TNS1: variants seen among roughly 807,000 people sequenced by gnomAD.
TNS1 encodes the protein tensin 1, also known as tensin-1.
Under a neutral mutation model 168.6 loss-of-function variants are expected in TNS1, and 62 were observed. The ratio of observed to expected loss-of-function variants is 0.37; its 90% CI spans 0.30 to 0.45. The LOEUF (loss-of-function observed/expected upper bound fraction) is 0.45, where lower values mean the gene tolerates loss of function less well. Ranked by LOEUF, TNS1 falls within the 20% of genes least tolerant of loss-of-function variation. The pLI is 1.00. For synonymous variants in TNS1, 934 were observed against 933.2 expected (o/e 1.00, Z -0.02); for missense variants, 2,240 against 2,339.4 (o/e 0.96, Z 0.88).
chr2:217,920,119 C>T, intron 4 of TNS1, 76 bp downstream of exon 4: 1 of 702,728 alleles, frequency 1.4e-6, no homozygotes, highest in Non-Finnish European at 2.6e-6. Context: ...ATATTTGGGT[C>T]TAAAGAAAGC....
At chr2:217,843,298 C>A (rs1395410725) in intron 19 of TNS1, among the ~76,000 whole-genome samples, 1 of 152,112 alleles carries the variant, frequency 6.6e-6, no homozygotes, top group Admixed American at 6.5e-5. Flanking sequence ...CCCCTCTTAC[C>A]TCCTTAGAGA....
intron 18 of TNS1, among the ~76,000 whole-genome samples, chr2:217,862,274 GGA>G (rs1491529046): frequency 6.6e-6 from 1 of 151,174 alleles, no homozygotes; most frequent in East Asian, 1.9e-4. Flanking sequence ...TCTATTTGGG[GGA>G]AAAAAAAAGA....
chr2:218,027,407 T>G (rs1395906616), intron 1 of TNS1, among the ~76,000 whole-genome samples: 1 of 151,918 alleles, frequency 6.6e-6, no homozygotes, highest in Non-Finnish European at 1.5e-5. Flanking sequence ...ACCACTCCAC[T>G]CCCTGAAGGG....
At position 217,961,235 on chromosome 2, in the gene TNS1, T is replaced by A. The variant is rs544041547; in HGVS notation, c.186+17530A>T. Among the ~76,000 whole-genome samples, 126 of 144,942 alleles carry A rather than the reference T, an allele frequency of 8.7e-4. 1 individual carries two copies. The highest frequency in any genetic ancestry group is 3.4e-3 in the Middle Eastern group (1 of 292). On this transcript the variant is annotated intron_variant, in intron 3 of 32. Transcript: ENST00000682258. ...CTCAGGGTGTCTCTCTCTCTCTCTC[T>A]CACACACACACACACACACACACAC...
chr2:217,914,784 T>C (rs1954820681), intron 4 of TNS1, among the ~76,000 whole-genome samples: 1 of 152,218 alleles, frequency 6.6e-6, no homozygotes, highest in Admixed American at 6.5e-5. Flanking sequence ...GCATCCAGCC[T>C]AAATGCTGTT....
chr2:217,820,612 C>G (rs571892545), intron 23 of TNS1, among the ~76,000 whole-genome samples: 11 of 152,098 alleles, frequency 7.2e-5, no homozygotes, highest in Non-Finnish European at 1.6e-4. Context: ...GTGGGCACGG[C>G]GAAGAAGGGA....
At chr2:217,804,649 A>T in intron 32 of TNS1, 46 bp from the exon 33 acceptor site, 1 of 1,609,690 alleles carries the variant, frequency 6.2e-7, no homozygotes, top group Non-Finnish European at 8.5e-7. Flanking sequence ...GGCAAGTGGA[A>T]CCCCAGGAGG....
intron 21 of TNS1, among the ~76,000 whole-genome samples, chr2:217,833,350 A>C (rs919432479): frequency 6.6e-6 from 1 of 152,234 alleles, no homozygotes; most frequent in African/African-American, 2.4e-5. Context: ...GGCGACGCTA[A>C]AGCCAGGCAA....
At position 217,836,109 on chromosome 2, in the gene TNS1, G is replaced by A. The variant is rs762318273; in HGVS notation, c.3110C>T (p.Ser1037Phe). 2 of 1,614,122 alleles carry A rather than the reference G, an allele frequency of 1.2e-6. No individual in the cohort carries two copies. Among genetic ancestry groups the A allele is most frequent in the Non-Finnish European group, 1.7e-6 (2 of 1,179,986 alleles). Residue 1037 changes from serine to phenylalanine, a missense_variant, in exon 20 of 33, where the codon TCC becomes TTC. Physicochemically the swap from Ser to Phe is radical, Grantham distance 155. Coordinates refer to ENST00000682258, the MANE Select transcript of TNS1 (RefSeq NM_001387777.1). ...QYENQSPEAT[S>F]PRSPGVRSPV... is the part of the protein sequence containing the mutation. ...GGAGCGAACCCCAGGGCTACGAGGG[G>A]ATGTGGCTTCTGGAGACTGGTTCTC...
At chr2:217,902,708 G>A (rs1053565980) in intron 6 of TNS1, among the ~76,000 whole-genome samples, 3 of 152,192 alleles carry the variant, frequency 2.0e-5, no homozygotes, top group East Asian at 1.9e-4. Flanking sequence ...GTCCAAGCCC[G>A]CTCTGCTCCA....
intron 2 of TNS1, among the ~76,000 whole-genome samples, chr2:217,979,549 A>ACACACACACACACG (rs1476579659): frequency 0.01 from 1,564 of 151,966 alleles, 30 homozygotes; most frequent in African/African-American, 0.035. Context: ...ACACACACAC[A>ACACACACACACACG]CACAGGACTT....
Position 217,897,966 on chromosome 2 carries a change from G to A in TNS1, c.375C>T (p.Asn125=). 6.2e-7 allele frequency: 1 copy of A among 1,602,258 alleles called. No homozygotes were observed. The highest frequency in any genetic ancestry group is 1.1e-5 in the South Asian group (1 of 89,230). Residue 125 remains asparagine (N), a synonymous_variant, in exon 8 of 33, where the codon AAC becomes AAT. Coordinates refer to ENST00000682258, the MANE Select transcript of TNS1 (RefSeq NM_001387777.1). ...CCTCCATGGTCCGGCTCACACTCAT[G>A]TTTCTAGGGAGACAGCAGGCAGCGG... is the stretch of plus-strand genomic sequence containing the variant. The part of the protein sequence containing the change: ...SVQPHLQPIR[N]MSVSRTMEDS...
At chr2:217,911,207 T>TC (rs1195805523) in intron 4 of TNS1, among the ~76,000 whole-genome samples, 2 of 151,546 alleles carry the variant, frequency 1.3e-5, no homozygotes, top group Admixed American at 1.3e-4. Context: ...TCTTCCAGAG[T>TC]CCCCCCTTAC....
exon 1 of TNS1, chr2:218,010,393 A>C: frequency 5.1e-6 from 2 of 389,884 alleles, no homozygotes; most frequent in Non-Finnish European, 9.1e-6. Flanking sequence ...GCGGCGCGGG[A>C]GGCCCGCGGC....
chr2:217,991,190 G>A, intron 1 of TNS1, 134 bp from the exon 2 acceptor site: 1 of 447,910 alleles, frequency 2.2e-6, no homozygotes, highest in Non-Finnish European at 4.0e-6. Flanking sequence ...CCAGAGGAGG[G>A]AGGAGGGCCC....
chr2:217,861,604 A>G (rs1237295480), intron 18 of TNS1, among the ~76,000 whole-genome samples: 1 of 152,218 alleles, frequency 6.6e-6, no homozygotes, highest in Non-Finnish European at 1.5e-5. Flanking sequence ...GAAGTCAGAC[A>G]TTGGTTTGAA....
chr2:218,026,634 T>C (rs1958851424), intron 1 of TNS1, among the ~76,000 whole-genome samples: 1 of 152,196 alleles, frequency 6.6e-6, no homozygotes, highest in Admixed American at 6.5e-5. Context: ...CTGGCCATCC[T>C]TGACCAAACA....
intron 3 of TNS1, among the ~76,000 whole-genome samples, chr2:217,965,777 C>T (rs565628702): frequency 4.6e-5 from 7 of 152,288 alleles, no homozygotes; most frequent in African/African-American, 9.6e-5. Flanking sequence ...CCACAGACCC[C>T]CCGAGCTAGA....
chr2:217,984,704 G>A (rs1958146670), intron 2 of TNS1, among the ~76,000 whole-genome samples: 1 of 150,918 alleles, frequency 6.6e-6, no homozygotes, highest in African/African-American at 2.4e-5. Flanking sequence ...TGTTGCCCAG[G>A]CTGGTATCGA....
Sources: allele counts gnomAD v4.1 joint callset (sites outside exome capture counted in the v4.1 genomes callset), GRCh38; gene constraint gnomAD v4.1.1; transcripts MANE v1.5; gene names NCBI Gene and HGNC (gene_info 2026-07-23, HGNC 2026-07-21).